RSRC1: variants seen among roughly 807,000 people sequenced by gnomAD.
RSRC1 encodes the protein serine/Arginine-related protein 53.
A neutral mutation model predicts 49.1 loss-of-function variants in RSRC1; 39 were observed. The observed-to-expected ratio is 0.79, with a 90% CI of 0.61 to 1.04. The LOEUF (loss-of-function observed/expected upper bound fraction) is 1.04, where lower values mean the gene tolerates loss of function less well. Ranked by LOEUF, RSRC1 falls within the 50% of genes least tolerant of loss-of-function variation. The probability of loss-of-function intolerance (pLI) is 0.00; values close to 1 mark genes in which losing one functional copy is unlikely to be tolerated. For missense variants in RSRC1, 388 were observed against 402.4 expected (o/e 0.96, Z 0.31); for synonymous variants, 143 against 130.8 (o/e 1.09, Z -0.63).
rs1253700426 is a variant in RSRC1, at chr3:158,174,083, A to G, written c.321-28989A>G. On this transcript the variant is annotated intron_variant, in intron 3 of 9. Transcript: ENST00000611884. ...TCATTGAGTTTTACATATAAAATGG[A>G]TGAATTTTATGGTATGTAAAATATA... 2.0e-5 allele frequency among the ~76,000 whole-genome samples: 3 copies of G among 152,036 alleles called. No homozygotes were observed. In the East Asian group the frequency reaches 5.8e-4, roughly 29 times the overall value.
chr3:158,354,966 G>T, intron 6 of RSRC1, 58 bp downstream of exon 6: 1 of 1,148,616 alleles, frequency 8.7e-7, no homozygotes, highest in Non-Finnish European at 1.2e-6. Context: ...ACCCTAGGCT[G>T]GTAGCATGCT....
chr3:158,446,517 A>T (rs1578489587), intron 6 of RSRC1, among the ~76,000 whole-genome samples: 1 of 152,044 alleles, frequency 6.6e-6, no homozygotes, highest in African/African-American at 2.4e-5. Context: ...ACTTACTAGT[A>T]AAAATTTGCC....
At chr3:158,139,703 G>A (rs974118055) in intron 3 of RSRC1, among the ~76,000 whole-genome samples, 5 of 148,732 alleles carry the variant, frequency 3.4e-5, no homozygotes, top group African/African-American at 9.9e-5. Flanking sequence ...GCATGATCTC[G>A]GCTTACTGCA....
At chr3:158,214,054 A>G (rs1459844139) in intron 4 of RSRC1, among the ~76,000 whole-genome samples, 1 of 84,682 alleles carries the variant, frequency 1.2e-5, no homozygotes, top group East Asian at 6.9e-4. Context: ...AAAAAATTAT[A>G]CAAAAAGTAC....
intron 4 of RSRC1, among the ~76,000 whole-genome samples, chr3:158,259,858 T>C (rs1009132866): frequency 2.0e-5 from 3 of 152,180 alleles, no homozygotes; most frequent in African/African-American, 4.8e-5. Context: ...ATGGCCTCAC[T>C]GCCGCAGGGC....
chr3:158,399,823 G>A (rs566888446), intron 6 of RSRC1, among the ~76,000 whole-genome samples: 1 of 152,224 alleles, frequency 6.6e-6, no homozygotes, highest in African/African-American at 2.4e-5. Flanking sequence ...CAAAATGGAA[G>A]TAAAGGTAGA....
chr3:158,274,144 A>C (rs887708609), intron 4 of RSRC1, among the ~76,000 whole-genome samples: 10 of 152,128 alleles, frequency 6.6e-5, no homozygotes, highest in Non-Finnish European at 1.2e-4. Context: ...TATCCATATA[A>C]TGAATGAGAT....
At chr3:158,242,098 A>G (rs1353357036) in intron 4 of RSRC1, among the ~76,000 whole-genome samples, 1 of 127,354 alleles carries the variant, frequency 7.9e-6, no homozygotes, top group Non-Finnish European at 1.5e-5. Flanking sequence ...GCTTCATTAC[A>G]TAGTTAAGTG....
intron 6 of RSRC1, among the ~76,000 whole-genome samples, chr3:158,452,727 C>G (rs530632877): frequency 2.0e-5 from 3 of 152,228 alleles, no homozygotes; most frequent in East Asian, 1.9e-4. Flanking sequence ...TTGCTTGGCC[C>G]CCAGATTTAT....
chr3:158,324,757 A>C lies in RSRC1; in HGVS notation c.531+26682A>C, dbSNP rs554500753. Among the ~76,000 whole-genome samples, 8 of 152,310 alleles carry C rather than the reference A, an allele frequency of 5.3e-5. No individual in the cohort carries two copies. In the East Asian group the frequency reaches 1.5e-3, roughly 29 times the overall value. ...CTTTGGGTATATACCCAGTAATGAG[A>C]TGGCTAGGTCAAATGGTATTTCTAG... On this transcript the variant is annotated intron_variant, in intron 5 of 9. Coordinates refer to ENST00000611884, the MANE Select transcript of RSRC1 (RefSeq NM_001271838.2).
At chr3:158,527,390 C>G (rs556749349) in intron 7 of RSRC1, among the ~76,000 whole-genome samples, 30 of 151,982 alleles carry the variant, frequency 2.0e-4, no homozygotes, top group African/African-American at 6.5e-4. Context: ...CTCCTTTGCA[C>G]ATAGGAGTGA....
At chr3:158,122,660 A>C (rs1427601596) in intron 2 of RSRC1, among the ~76,000 whole-genome samples, 1 of 151,990 alleles carries the variant, frequency 6.6e-6, no homozygotes. Flanking sequence ...TACATGTGCC[A>C]TGTTGGTGTG....
intron 6 of RSRC1, among the ~76,000 whole-genome samples, chr3:158,361,124 G>A (rs555007232): frequency 6.6e-6 from 1 of 152,264 alleles, no homozygotes; most frequent in Admixed American, 6.5e-5. Flanking sequence ...CTCTCGGAGT[G>A]TGCCTGGCCA....
At chr3:158,135,933 T>A (rs1716345758) in intron 3 of RSRC1, among the ~76,000 whole-genome samples, 1 of 152,228 alleles carries the variant, frequency 6.6e-6, no homozygotes, top group African/African-American at 2.4e-5. Context: ...AGACATTTCC[T>A]TAGGCTGGGA....
intron 6 of RSRC1, among the ~76,000 whole-genome samples, chr3:158,368,331 G>A (rs781216379): frequency 1.8e-4 from 27 of 152,196 alleles, no homozygotes; most frequent in Non-Finnish European, 3.1e-4. Flanking sequence ...ATTGGGCTCT[G>A]TAGACCTGTA....
At chr3:158,469,389 A>G (rs1268043050) in intron 7 of RSRC1, 2 of 450,146 alleles carry the variant, frequency 4.4e-6, no homozygotes, top group Non-Finnish European at 8.9e-6. Context: ...TGCTGCAAAA[A>G]TGATTCCCAT....
chr3:158,121,499 A>G (rs943035836), intron 1 of RSRC1, among the ~76,000 whole-genome samples: 1 of 152,128 alleles, frequency 6.6e-6, no homozygotes, highest in Non-Finnish European at 1.5e-5. Context: ...TTTAGTTAAT[A>G]TTGTCTCCCC....
Position 158,203,096 on chromosome 3 carries a change from TTC to T in RSRC1, c.348_349del (p.His117Ter). 3 of 1,613,450 alleles carry T rather than the reference TTC, an allele frequency of 1.9e-6. No individual in the cohort carries two copies. The highest frequency in any genetic ancestry group is 1.7e-6 in the Non-Finnish European group (2 of 1,179,612). Reference sequence around the variant, plus strand: ...GGTCCAGGTCAAGACCTCGTCTCCGTTCTCATAGTCGTAGCAGTGAAAGGTCC... The same window carrying T: ...GGTCCAGGTCAAGACCTCGTCTCCGTTCATAGTCGTAGCAGTGAAAGGTCC... The part of the protein sequence containing the change: ...RRSRSRPRLR[S>X]HSRSSERSSH... On this transcript the variant is annotated frameshift_variant, in exon 4 of 10. Transcript: ENST00000611884. LOFTEE classifies it high-confidence loss of function.
chr3:158,440,692 C>T (rs1317772121), intron 6 of RSRC1, among the ~76,000 whole-genome samples: 1 of 152,076 alleles, frequency 6.6e-6, no homozygotes, highest in African/African-American at 2.4e-5. Context: ...GCCTGTAATT[C>T]CAGCACTTTG....
Sources: allele counts gnomAD v4.1 joint callset (sites outside exome capture counted in the v4.1 genomes callset), GRCh38; gene constraint gnomAD v4.1.1; transcripts MANE v1.5; gene names NCBI Gene and HGNC (gene_info 2026-07-23, HGNC 2026-07-21).